Variants in PGM1 observed in about 807,000 individuals in gnomAD.
PGM1 encodes the protein phosphoglucomutase 1.
Under a neutral mutation model 55.6 loss-of-function variants are expected in PGM1, and 52 were observed. The ratio of observed to expected loss-of-function variants is 0.94; its 90% confidence interval spans 0.75 to 1.18. The LOEUF is 1.18. Among genes scored for constraint, PGM1 ranks in the 50% most tolerant of loss-of-function variants. PGM1 has a pLI of 0.00. For synonymous variants in PGM1, 287 were observed against 271.7 expected, an observed-to-expected ratio of 1.06 and a Z score of -0.55; for missense variants, 724 against 729.3, an observed-to-expected ratio of 0.99 and a Z score of 0.08.
At chr1:63,651,545 A>G (rs1649806380) in intron 8 of PGM1, 124 bp from the exon 9 acceptor site, 1 of 873,962 alleles carries the variant, frequency 1.1e-6, no homozygotes, top group South Asian at 1.6e-5. Context: ...TTTTTTTGCC[A>G]GCTTCTTCTG....
chr1:63,619,306 A>G (rs1364411881), intron 1 of PGM1, among the ~76,000 whole-genome samples: 2 of 152,348 alleles, frequency 1.3e-5, no homozygotes, highest in African/African-American at 4.8e-5. Context: ...AGTAGAAAGC[A>G]CAGTATGGAA....
At chr1:63,630,128 C>T (rs1286820000) in intron 3 of PGM1, 40 bp downstream of exon 3, 1 of 1,599,950 alleles carries the variant, frequency 6.3e-7, no homozygotes, top group Admixed American at 1.7e-5. Flanking sequence ...ACTCCTATTT[C>T]CAAGTTGAGC....
At chr1:63,640,445 G>A (rs980328817) in intron 7 of PGM1, among the ~76,000 whole-genome samples, 1 of 152,110 alleles carries the variant, frequency 6.6e-6, no homozygotes, top group Non-Finnish European at 1.5e-5. Context: ...AGAACATTCT[G>A]CCATAAAGAA....
At chr1:63,594,434 G>C (rs925749916) in intron 1 of PGM1, among the ~76,000 whole-genome samples, 11 of 152,160 alleles carry the variant, frequency 7.2e-5, no homozygotes, top group Middle Eastern at 3.4e-3. Context: ...TGGTGCCCGG[G>C]ATCTGTTCCA....
At chr1:63,658,778 A>G (rs1005498988) in intron 10 of PGM1, among the ~76,000 whole-genome samples, 1 of 151,616 alleles carries the variant, frequency 6.6e-6, no homozygotes, top group Non-Finnish European at 1.5e-5. Context: ...AGATTCCTGT[A>G]TTAGTCTGTT....
Position 63,651,867 on chromosome 1 carries a change from G to T in PGM1, c.1464+15G>T, listed in dbSNP as rs748510501. 6.2e-7 allele frequency: 1 copy of T among 1,608,106 alleles called. No homozygotes were observed. The highest frequency in any genetic ancestry group is 1.3e-5 in the African/African-American group (1 of 74,794). ...CAAGAAATCAGGTAGAAACAGACCGGTGTGTAAGTGAGAGAGAGACCTCAG... is the reference window on the plus strand; with the variant it reads ...CAAGAAATCAGGTAGAAACAGACCGTTGTGTAAGTGAGAGAGAGACCTCAG... On this transcript the variant is annotated intron_variant, in intron 9 of 10. Coordinates refer to ENST00000371084, the MANE Select transcript of PGM1 (RefSeq NM_002633.3).
At chr1:63,648,712 T>C in intron 8 of PGM1, 60 bp downstream of exon 8, 1 of 1,574,654 alleles carries the variant, frequency 6.4e-7, no homozygotes, top group South Asian at 1.1e-5. Context: ...AGAGAATTCT[T>C]GCGCATCCAC....
At position 63,654,426 on chromosome 1, in the gene PGM1, G is replaced by A. The variant is rs1465393872; in HGVS notation, c.1559G>A (p.Ser520Asn). 2 of 1,613,966 alleles carry A rather than the reference G, an allele frequency of 1.2e-6. No individual in the cohort carries two copies. The highest frequency in any genetic ancestry group is 1.7e-6 in the Non-Finnish European group (2 of 1,179,958). Reference sequence around the variant, plus strand: ...GCCACCATTCGGCTGTACATCGATAGCTATGAGAAGGACGTTGCCAAGATT... The same window carrying A: ...GCCACCATTCGGCTGTACATCGATAACTATGAGAAGGACGTTGCCAAGATT... ...AGATIRLYID[S>N]YEKDVAKINQ... The change falls in exon 10 of 11, where the codon AGC becomes AAC. Residue 520 changes from serine to asparagine, a missense_variant. Ser to Asn is a conservative substitution (Grantham distance 46, BLOSUM62 1). Transcript: ENST00000371084.
In PGM1 at chr1:63,593,742, A is replaced by G. The variant is rs960263888; in HGVS notation, c.246+8A>G. 8 of 1,588,740 alleles carry G rather than the reference A, an allele frequency of 5.0e-6. No individual in the cohort carries two copies. In the Admixed American group the frequency reaches 1.4e-4, roughly 27 times the overall value. On this transcript the variant is annotated splice_region_variant and intron_variant, in intron 1 of 10. Transcript: ENST00000371084. ...ATCGCTGCCGCCAACGGGGTAAGGGATGCGCGGCCCCGCGCCGCTGTGCAC... is the reference window on the plus strand; with the variant it reads ...ATCGCTGCCGCCAACGGGGTAAGGGGTGCGCGGCCCCGCGCCGCTGTGCAC...
intron 1 of PGM1, among the ~76,000 whole-genome samples, chr1:63,616,934 T>C (rs1164061698): frequency 6.6e-6 from 1 of 152,242 alleles, no homozygotes; most frequent in Non-Finnish European, 1.5e-5. Context: ...CTGCTTGTTT[T>C]CAGATTCAGA....
chr1:63,644,148 G>A (rs763146310), intron 7 of PGM1, among the ~76,000 whole-genome samples: 2 of 152,210 alleles, frequency 1.3e-5, no homozygotes, highest in Non-Finnish European at 2.9e-5. Flanking sequence ...TTTCTTGGCT[G>A]AGACCCAGGA....
chr1:63,636,399 C>A lies in PGM1; in HGVS notation c.1028+11C>A, dbSNP rs541069522. 27 of 1,613,726 alleles carry A rather than the reference C, an allele frequency of 1.7e-5. No individual in the cohort carries two copies. In the African/African-American group the frequency reaches 3.1e-4, roughly 18 times the overall value. On this transcript the variant is annotated intron_variant, in intron 6 of 10. Transcript: ENST00000371084. ...TGGTGCTCTGGACCGGTAGGTGTCTCCATTCCCTTGGCCTTCCTGTCTTAG... is the reference window on the plus strand; with the variant it reads ...TGGTGCTCTGGACCGGTAGGTGTCTACATTCCCTTGGCCTTCCTGTCTTAG...
At chr1:63,612,491 C>G (rs2100967755) in intron 1 of PGM1, among the ~76,000 whole-genome samples, 1 of 152,244 alleles carries the variant, frequency 6.6e-6, no homozygotes, top group Middle Eastern at 3.4e-3. Context: ...GTGTTGTATC[C>G]TACTGCTCTA....
chr1:63,629,343 G>T (rs1649125455), intron 1 of PGM1, 82 bp from the exon 2 acceptor site: 9 of 1,152,680 alleles, frequency 7.8e-6, no homozygotes, highest in Non-Finnish European at 1.1e-5. Context: ...TTGTCCATCT[G>T]CCTGTTGTCT....
intron 1 of PGM1, chr1:63,623,668 C>T (rs758640593): frequency 6.8e-6 from 11 of 1,612,134 alleles, no homozygotes; most frequent in Non-Finnish European, 8.5e-6. Context: ...CCTAAAAGAT[C>T]GCCAGGGATC....
At chr1:63,623,607 A>G (rs1400349752) in intron 1 of PGM1, 1 of 1,612,858 alleles carries the variant, frequency 6.2e-7, no homozygotes, top group Non-Finnish European at 8.5e-7. Context: ...ATTTTGAGGA[A>G]AAGCCATGCT....
chr1:63,653,817 G>A (rs1314134014), intron 9 of PGM1, among the ~76,000 whole-genome samples: 1 of 152,152 alleles, frequency 6.6e-6, no homozygotes, highest in Non-Finnish European at 1.5e-5. Context: ...GTTGGGAATA[G>A]CCAGTCTCTG....
intron 1 of PGM1, among the ~76,000 whole-genome samples, chr1:63,599,265 A>C (rs540777321): frequency 6.6e-6 from 1 of 152,094 alleles, no homozygotes; most frequent in East Asian, 1.9e-4. Flanking sequence ...TCCTGGGTTC[A>C]AGTGATTCTT....
At chr1:63,658,397 C>CTTT (rs34314608) in intron 10 of PGM1, among the ~76,000 whole-genome samples, 1 of 135,186 alleles carries the variant, frequency 7.4e-6, no homozygotes, top group Non-Finnish European at 1.6e-5. Context: ...AGAATTCTCT[C>CTTT]TTTTTTTTTT....
Sources: allele counts gnomAD v4.1 joint callset (sites outside exome capture counted in the v4.1 genomes callset), GRCh38; gene constraint gnomAD v4.1.1; transcripts MANE v1.5; gene names NCBI Gene and HGNC (gene_info 2026-07-23, HGNC 2026-07-21).